The following TRMT9B variants were observed in gnomAD, a reference collection of about 807,000 sequenced individuals.
TRMT9B encodes the protein tRNA methyltransferase 9B (putative), also known as probable tRNA methyltransferase 9B.
TRMT9B carries 16 observed loss-of-function variants against 11.5 expected under a neutral mutation model. The ratio of observed to expected loss-of-function variants is 1.39; its 90% CI spans 0.94 to 2.11. TRMT9B has a LOEUF of 2.11. Ranked by LOEUF, TRMT9B falls within the 30% of genes most tolerant of loss-of-function variation. TRMT9B has a pLI of 0.00. For synonymous variants in TRMT9B, 274 were observed against 192.4 expected (o/e 1.42, Z -3.51); for missense variants, 941 against 553.8 (o/e 1.70, Z -7.02).
chr8:12,957,469 T>TA (rs1801463719), intron 1 of TRMT9B, among the ~76,000 whole-genome samples: 1 of 37,218 alleles, frequency 2.7e-5, no homozygotes, highest in Admixed American at 2.9e-4. Flanking sequence ...ATTAGAGTAA[T>TA]TAAAAAAATA....
intron 1 of TRMT9B, among the ~76,000 whole-genome samples, chr8:12,978,090 C>G (rs140970693): frequency 6.6e-6 from 1 of 152,040 alleles, no homozygotes; most frequent in Non-Finnish European, 1.5e-5. Context: ...GCTGAAAGGA[C>G]CAGGGGAAAG....
At chr8:12,985,347 A>G (rs1469766377) in intron 1 of TRMT9B, among the ~76,000 whole-genome samples, 1 of 152,120 alleles carries the variant, frequency 6.6e-6, no homozygotes, top group Non-Finnish European at 1.5e-5. Flanking sequence ...TAGCATTTCC[A>G]TTGTAATCTC....
chr8:12,952,436 C>T (rs1014678783), intron 1 of TRMT9B: 2 of 301,082 alleles, frequency 6.6e-6, no homozygotes, highest in East Asian at 2.1e-4. Context: ...GCAATACGAT[C>T]AAAACAGGCG....
chr8:12,969,496 T>G (rs1803286918), intron 1 of TRMT9B, among the ~76,000 whole-genome samples: 1 of 152,194 alleles, frequency 6.6e-6, no homozygotes, highest in African/African-American at 2.4e-5. Flanking sequence ...GCATAGTATT[T>G]GCATATAACC....
intron 1 of TRMT9B, among the ~76,000 whole-genome samples, chr8:12,983,310 G>T (rs1805718350): frequency 6.9e-6 from 1 of 144,834 alleles, no homozygotes; most frequent in Non-Finnish European, 1.5e-5. Flanking sequence ...AAATCAAAGA[G>T]AGAGTTCCAA....
rs920492574 is a variant in TRMT9B at position 13,002,449 on chromosome 8, T to C, written c.-1-3753T>C. ...TTGTGTGGGCAGTTATAGCCAGCCA[T>C]ATGTTTACTTCGTAAATTTCAGTTG... On this transcript the variant is annotated intron_variant, in intron 2 of 4. Coordinates refer to ENST00000524591, the MANE Select transcript of TRMT9B (RefSeq NM_020844.3). 1.4e-4 allele frequency among the ~76,000 whole-genome samples: 21 copies of C among 152,222 alleles called. 1 individual carries two copies. Among genetic ancestry groups the C allele is most frequent in the African/African-American group, 2.4e-5 (1 of 41,454 alleles).
chr8:12,967,424 C>G (rs1426988483), intron 1 of TRMT9B, among the ~76,000 whole-genome samples: 2 of 152,186 alleles, frequency 1.3e-5, no homozygotes, highest in Non-Finnish European at 2.9e-5. Context: ...CCTCACCAGA[C>G]CATAACGAAA....
chr8:12,998,510 T>C (rs1777262169), intron 2 of TRMT9B, among the ~76,000 whole-genome samples: 1 of 152,210 alleles, frequency 6.6e-6, no homozygotes, highest in African/African-American at 2.4e-5. Flanking sequence ...GAAGTTCCCA[T>C]CACAAACAAA....
chr8:12,989,519 C>G (rs1806956704), intron 1 of TRMT9B, among the ~76,000 whole-genome samples: 2 of 152,172 alleles, frequency 1.3e-5, no homozygotes, highest in Admixed American at 6.5e-5. Context: ...TCTACACTAG[C>G]TACAATTCCT....
At chr8:12,948,075 A>C (rs1007378971) in intron 1 of TRMT9B, among the ~76,000 whole-genome samples, 5 of 152,232 alleles carry the variant, frequency 3.3e-5, no homozygotes, top group African/African-American at 7.2e-5. Context: ...GATGGGGGTT[A>C]CATCCTAATA....
chr8:12,976,519 C>T (rs567653248), intron 1 of TRMT9B, among the ~76,000 whole-genome samples: 1 of 151,806 alleles, frequency 6.6e-6, no homozygotes, highest in African/African-American at 2.4e-5. Context: ...GCGGGCGGAT[C>T]ACTTGAGGTC....
chr8:13,017,003 A>G (rs1812839288), intron 4 of TRMT9B, among the ~76,000 whole-genome samples: 3 of 151,556 alleles, frequency 2.0e-5, no homozygotes, highest in Non-Finnish European at 4.4e-5. Flanking sequence ...GCATGCCTGT[A>G]ATCTCAGCTA....
At chr8:12,946,877 C>G (rs1200582883) in intron 1 of TRMT9B, among the ~76,000 whole-genome samples, 1 of 152,160 alleles carries the variant, frequency 6.6e-6, no homozygotes, top group Non-Finnish European at 1.5e-5. Context: ...AGGAAGTTCC[C>G]TATGTACCTT....
chr8:13,012,343 G>A (rs764401021), intron 3 of TRMT9B: 30 of 888,340 alleles, frequency 3.4e-5, no homozygotes, highest in African/African-American at 7.3e-5. Flanking sequence ...TTGGGAGGCC[G>A]AGGCAGGCGG....
intron 1 of TRMT9B, among the ~76,000 whole-genome samples, chr8:12,976,822 A>C (rs1804532627): frequency 6.6e-6 from 1 of 152,176 alleles, no homozygotes; most frequent in South Asian, 2.1e-4. Flanking sequence ...GCATGACTTT[A>C]AACCCAGGAA....
intron 1 of TRMT9B, among the ~76,000 whole-genome samples, chr8:12,970,785 T>G (rs1392715380): frequency 1.3e-5 from 2 of 152,196 alleles, no homozygotes; most frequent in South Asian, 2.1e-4. Context: ...TGTCACTCAC[T>G]TCATGTCTTT....
intron 3 of TRMT9B, chr8:13,012,068 ATCTT>A (rs1445046624): frequency 3.0e-5 from 30 of 985,448 alleles, no homozygotes; most frequent in Non-Finnish European, 3.6e-5. Context: ...TACTAGAACT[ATCTT>A]TCTTGCCTTG....
intron 3 of TRMT9B, 76 bp from the exon 4 acceptor site, chr8:13,012,608 T>G: frequency 6.8e-7 from 1 of 1,478,726 alleles, no homozygotes; most frequent in South Asian, 1.4e-5. Context: ...TTAATTATAT[T>G]TCTTGTTATG....
chr8:12,977,516 C>A (rs1434580006), intron 1 of TRMT9B, among the ~76,000 whole-genome samples: 1 of 152,020 alleles, frequency 6.6e-6, no homozygotes, highest in African/African-American at 2.4e-5. Flanking sequence ...TCCCGGCCAA[C>A]ATGATGAAAC....
Sources: allele counts gnomAD v4.1 joint callset (sites outside exome capture counted in the v4.1 genomes callset), GRCh38; gene constraint gnomAD v4.1.1; transcripts MANE v1.5; gene names NCBI Gene and HGNC (gene_info 2026-07-23, HGNC 2026-07-21).